The following SLC4A4 variants were observed in gnomAD, a reference collection of about 807,000 sequenced individuals.
SLC4A4 encodes the protein solute carrier family 4 member 4.
In SLC4A4, 27 loss-of-function variants were observed where a neutral mutation model predicts 111.5. That is an observed-to-expected ratio of 0.24 (90% CI 0.18 to 0.33). The LOEUF is 0.33. Ranked by LOEUF, SLC4A4 falls within the 10% of genes least tolerant of loss-of-function variation. The pLI is 1.00. For synonymous variants in SLC4A4, 443 were observed against 463.4 expected, an observed-to-expected ratio of 0.96 and a Z score of 0.57; for missense variants, 909 against 1,315.5, an observed-to-expected ratio of 0.69 and a Z score of 4.78.
At chr4:71,326,759 T>C (rs1186685684) in intron 3 of SLC4A4, among the ~76,000 whole-genome samples, 1 of 152,036 alleles carries the variant, frequency 6.6e-6, no homozygotes, top group Non-Finnish European at 1.5e-5. Flanking sequence ...TTGTAAAGCA[T>C]GACATAGGTA....
intron 1 of SLC4A4, among the ~76,000 whole-genome samples, chr4:71,082,787 C>T (rs1231445962): frequency 6.6e-6 from 1 of 151,866 alleles, no homozygotes; most frequent in Non-Finnish European, 1.5e-5. Context: ...TAGCCCATAA[C>T]TCCCTAGGTC....
chr4:71,560,303 G>A (rs1404508770), intron 23 of SLC4A4, 49 bp downstream of exon 23: 1 of 1,550,828 alleles, frequency 6.4e-7, no homozygotes, highest in Non-Finnish European at 8.7e-7. Context: ...AGAAACAAAT[G>A]TGAAAATTGT....
intron 3 of SLC4A4, among the ~76,000 whole-genome samples, chr4:71,298,267 G>A (rs1314156401): frequency 6.6e-6 from 1 of 152,122 alleles, no homozygotes; most frequent in African/African-American, 2.4e-5. Flanking sequence ...TCATCAAAAG[G>A]TATATTTATA....
chr4:71,464,622 G>A (rs1263996054), intron 12 of SLC4A4, among the ~76,000 whole-genome samples: 1 of 152,138 alleles, frequency 6.6e-6, no homozygotes, highest in Non-Finnish European at 1.5e-5. Flanking sequence ...CAGAGTGTGT[G>A]TATTTGCCAT....
chr4:71,079,565 C>A (rs1055102022), intron 1 of SLC4A4, among the ~76,000 whole-genome samples: 4 of 151,970 alleles, frequency 2.6e-5, no homozygotes, highest in African/African-American at 9.7e-5. Context: ...TACTTAAGCT[C>A]AGAAGTTTGA....
chr4:71,500,241 A>G (rs777569012), intron 16 of SLC4A4, among the ~76,000 whole-genome samples: 1 of 152,056 alleles, frequency 6.6e-6, no homozygotes, highest in African/African-American at 2.4e-5. Context: ...CAAAACATCT[A>G]TTCAGGTCCT....
At chr4:71,451,834 C>A (rs1028790068) in intron 11 of SLC4A4, among the ~76,000 whole-genome samples, 2 of 152,078 alleles carry the variant, frequency 1.3e-5, no homozygotes, top group Admixed American at 1.3e-4. Context: ...GATGTACCAG[C>A]CTTCACCTCT....
chr4:71,248,954 T>C (rs1720870146), intron 2 of SLC4A4, among the ~76,000 whole-genome samples: 1 of 152,202 alleles, frequency 6.6e-6, no homozygotes, highest in African/African-American at 2.4e-5. Context: ...TTGTGTCTCC[T>C]TTGAGACCTT....
At chr4:71,220,449 T>C (rs1718674165) in intron 1 of SLC4A4, among the ~76,000 whole-genome samples, 1 of 152,214 alleles carries the variant, frequency 6.6e-6, no homozygotes, top group Non-Finnish European at 1.5e-5. Flanking sequence ...ACCTGCAACA[T>C]CTCTGACATA....
intron 14 of SLC4A4, 83 bp downstream of exon 14, chr4:71,473,053 C>A: frequency 7.0e-7 from 1 of 1,419,110 alleles, no homozygotes; most frequent in Non-Finnish European, 1.0e-6. Flanking sequence ...TTTCAACATG[C>A]TGTCATGGTC....
chr4:71,136,391 C>A (rs1326072062), intron 2 of SLC4A4, among the ~76,000 whole-genome samples: 1 of 152,158 alleles, frequency 6.6e-6, no homozygotes, highest in East Asian at 1.9e-4. Flanking sequence ...AGTTCACCTG[C>A]CACTTGGAAC....
At chr4:71,515,135 A>G (rs918729054) in intron 16 of SLC4A4, among the ~76,000 whole-genome samples, 5 of 151,658 alleles carry the variant, frequency 3.3e-5, no homozygotes, top group African/African-American at 9.7e-5. Flanking sequence ...CCTTCTTCAT[A>G]CTGTTTTGCT....
At chr4:71,100,995 C>T (rs1465060531) in intron 2 of SLC4A4, among the ~76,000 whole-genome samples, 1 of 152,192 alleles carries the variant, frequency 6.6e-6, no homozygotes, top group Non-Finnish European at 1.5e-5. Flanking sequence ...CGTGGTGGCT[C>T]ACGCCTGTAA....
intron 2 of SLC4A4, among the ~76,000 whole-genome samples, chr4:71,177,420 T>C (rs1457545876): frequency 2.0e-5 from 3 of 152,154 alleles, no homozygotes; most frequent in South Asian, 2.1e-4. Context: ...CAGTGTGCTA[T>C]ATTCAGGAAA....
intron 3 of SLC4A4, among the ~76,000 whole-genome samples, chr4:71,331,152 C>A (rs1727949320): frequency 6.6e-6 from 1 of 152,116 alleles, no homozygotes; most frequent in Non-Finnish European, 1.5e-5. Context: ...ACTGGTTCAA[C>A]CATTGTGGAA....
intron 6 of SLC4A4, among the ~76,000 whole-genome samples, chr4:71,370,029 A>C (rs1270771230): frequency 6.6e-6 from 1 of 152,216 alleles, no homozygotes; most frequent in Non-Finnish European, 1.5e-5. Context: ...ATCTTAAAGG[A>C]AAAGTATGAG....
chr4:71,253,622 GCACAGGAAA>G (rs1317567546), intron 2 of SLC4A4, among the ~76,000 whole-genome samples: 1 of 152,084 alleles, frequency 6.6e-6, no homozygotes, highest in Non-Finnish European at 1.5e-5. Flanking sequence ...AGTAACTGGA[GCACAGGAAA>G]CAATTGACAC....
chr4:71,460,031 G>A (rs1726672114), intron 12 of SLC4A4, among the ~76,000 whole-genome samples: 1 of 151,780 alleles, frequency 6.6e-6, no homozygotes, highest in African/African-American at 2.4e-5. Flanking sequence ...TGCCTTATGA[G>A]AACTCTTTGT....
At chr4:71,137,568 C>T (rs1743879521) in intron 2 of SLC4A4, among the ~76,000 whole-genome samples, 2 of 152,222 alleles carry the variant, frequency 1.3e-5, no homozygotes, top group South Asian at 4.1e-4. Context: ...AACAAACTCT[C>T]ATTCTAATAG....
Sources: gnomAD v4.1 joint callset for allele counts (sites outside exome capture counted in the v4.1 genomes callset) on GRCh38, gnomAD v4.1.1 for gene constraint, MANE v1.5 for transcripts, NCBI Gene and HGNC (gene_info 2026-07-23, HGNC 2026-07-21) for gene names.